The following DPP9 variants were observed in gnomAD, a reference collection of about 807,000 sequenced individuals.
The protein encoded by DPP9 is dipeptidyl peptidase IV-related protein-2.
In DPP9, 50 loss-of-function variants were observed where a neutral mutation model predicts 110.7. The ratio of observed to expected loss-of-function variants is 0.45; its 90% CI spans 0.36 to 0.57. The LOEUF is 0.57. Among genes scored for constraint, DPP9 ranks in the 20% least tolerant of loss-of-function variants. DPP9 has a pLI of 0.00. For missense variants in DPP9, 1,022 were observed against 1,217.9 expected, an observed-to-expected ratio of 0.84 and a Z score of 2.39; for synonymous variants, 561 against 514.4, an observed-to-expected ratio of 1.09 and a Z score of -1.23.
Position 4,694,787 on chromosome 19 carries a change from CCT to C in DPP9, c.1388_1389del (p.Glu463GlyfsTer12). Reference protein sequence around the residue: ...HDIFYPFPQSEGEDELCFLRA... With the variant: ...HDIFYPFPQSXGEDELCFLRA... ...CGGAGAAAGCAGAGCTCGTCCTCTCCCTCTGATTGGGGGAAGGGATAGAAGAT... is the reference window on the plus strand; with the variant it reads ...CGGAGAAAGCAGAGCTCGTCCTCTCCCTGATTGGGGGAAGGGATAGAAGAT... On this transcript the variant is annotated frameshift_variant, in exon 13 of 22. Transcript: ENST00000262960. LOFTEE classifies it high-confidence loss of function. This position sits in a 1 kb window ranked among gnomAD's most constrained non-coding sequence, Gnocchi z 4.0. The C allele has an allele frequency of 6.2e-7, 1 of 1,613,872 alleles. No individual in the cohort carries two copies.
chr19:4,706,079 G>A, intron 4 of DPP9, 109 bp from the exon 5 acceptor site: 1 of 963,372 alleles, frequency 1.0e-6, no homozygotes, highest in South Asian at 1.6e-5. Flanking sequence ...AGAACATTCT[G>A]CCAGGCCGCC....
intron 21 of DPP9, chr19:4,679,606 C>A: frequency 1.8e-6 from 1 of 551,638 alleles, no homozygotes; most frequent in South Asian, 2.1e-5. Context: ...TCCCGTGCTT[C>A]CAGCACCGAA....
At chr19:4,713,634 C>A (rs753328561) in intron 4 of DPP9, among the ~76,000 whole-genome samples, 1 of 152,222 alleles carries the variant, frequency 6.6e-6, no homozygotes, top group East Asian at 1.9e-4. Context: ...CGCACCTCCA[C>A]GGCGAGCTCC....
In DPP9 at chr19:4,702,237, C is replaced by A. The variant is rs1438945763; in HGVS notation, c.884-82G>T. ...CAGCACCCCCCGCCCCCTGCAGCAC[C>A]GGGGCCTGAAGATGGGCACCGAGGG... On this transcript the variant is annotated intron_variant, in intron 8 of 21. Coordinates refer to ENST00000262960, the MANE Select transcript of DPP9 (RefSeq NM_139159.5). 3.3e-6 allele frequency: 5 copies of A among 1,499,514 alleles called. No homozygotes were observed. In the Admixed American group the frequency reaches 9.3e-5, roughly 28 times the overall value. The allele number at this position is 1,499,514 out of a possible 1,614,324, so 92.9% of individuals were successfully genotyped here. A position where few individuals can be genotyped will look rare whatever the true frequency, so the allele number is the denominator to read the frequency against.
chr19:4,689,636 A>G lies in DPP9; in HGVS notation c.1683T>C (p.Tyr561=). ...GGCGTACGATCTCGCCGGCCGCCTC[A>G]TAGCTGACCACGTAGAGGTGGTGCT... ...PLEHHLYVVS[Y]EAAGEIVRLT... The change falls in exon 15 of 22, where the codon TAT becomes TAC. Residue 561 remains tyrosine, a synonymous_variant. Coordinates refer to ENST00000262960, the MANE Select transcript of DPP9 (RefSeq NM_139159.5). The surrounding 1 kb of genome is among the most constrained non-coding windows in gnomAD (Gnocchi z 7.0). 3.8e-6 allele frequency: 6 copies of G among 1,569,790 alleles called. No individual in the cohort carries two copies. The highest frequency in any genetic ancestry group is 5.2e-6 in the Non-Finnish European group (6 of 1,157,442).
chr19:4,691,558 C>T (rs1054107681), intron 13 of DPP9, among the ~76,000 whole-genome samples: 1 of 151,094 alleles, frequency 6.6e-6, no homozygotes, highest in Non-Finnish European at 1.5e-5. Context: ...TAGAACCCTC[C>T]AAAGGCCACA....
At position 4,686,029 on chromosome 19, in the gene DPP9, C is replaced by T. The variant is rs936191069; in HGVS notation, c.1886-258G>A. 4.1e-5 allele frequency: 17 copies of T among 415,264 alleles called. No homozygotes were observed. In the East Asian group the frequency reaches 6.6e-4, roughly 16 times the overall value. 25.7% of individuals were successfully genotyped at this position (415,264 alleles called of 1,614,324 possible). A position where few individuals can be genotyped will look rare whatever the true frequency, so the allele number is the denominator to read the frequency against. Reference sequence around the variant, plus strand: ...CTGGCCTCAAGCGATCCTCCCACCTCGGCCTCCTGTGTAGGGTCACTGCTA... The same window carrying T: ...CTGGCCTCAAGCGATCCTCCCACCTTGGCCTCCTGTGTAGGGTCACTGCTA... On this transcript the variant is annotated intron_variant, in intron 16 of 21. Transcript: ENST00000262960.
chr19:4,688,397 C>CTG (rs1357137781), intron 16 of DPP9: 1 of 234,474 alleles, frequency 4.3e-6, no homozygotes, highest in African/African-American at 2.2e-5. Context: ...GCAGAAGCCA[C>CTG]TGTGCCCGCT....
chr19:4,720,019 C>CCCT (rs3833278), intron 2 of DPP9, 78 bp from the exon 3 acceptor site: 756,146 of 1,160,478 alleles, frequency 0.65, 254,308 homozygotes, highest in Middle Eastern at 0.75. Flanking sequence ...CCCCTTCGCC[C>CCCT]CCTCCTCATT....
chr19:4,702,876 G>A (rs1022873332), intron 7 of DPP9, among the ~76,000 whole-genome samples, 160 bp from the exon 8 acceptor site: 12 of 149,338 alleles, frequency 8.0e-5, no homozygotes, highest in Admixed American at 4.0e-4. Context: ...GGGAGAGCTC[G>A]GAGCCGACTG....
In DPP9 at chr19:4,695,562, G is replaced by A; in HGVS notation, c.1176-7C>T. 3 of 1,464,282 alleles carry A rather than the reference G, an allele frequency of 2.0e-6. No individual in the cohort carries two copies. Among genetic ancestry groups the A allele is most frequent in the Non-Finnish European group, 2.7e-6 (3 of 1,109,730 alleles). 90.7% of individuals were successfully genotyped at this position (1,464,282 alleles called of 1,614,324 possible). Reference sequence around the variant, plus strand: ...CAGGAACATGGCCCAGGCGCTAAGGGGGAAGATGCGGGGGAAGATGAGAGG... The same window carrying A: ...CAGGAACATGGCCCAGGCGCTAAGGAGGAAGATGCGGGGGAAGATGAGAGG... On this transcript the variant is annotated splice_region_variant and splice_polypyrimidine_tract_variant and intron_variant, in intron 11 of 21. Coordinates refer to ENST00000262960, the MANE Select transcript of DPP9 (RefSeq NM_139159.5). The surrounding 1 kb of genome is among the most constrained non-coding windows in gnomAD (Gnocchi z 4.7).
At position 4,700,126 on chromosome 19, in the gene DPP9, G is replaced by C. The variant is rs1023386389; in HGVS notation, c.1074+90C>G. 1 of 1,093,568 alleles carries C rather than the reference G, an allele frequency of 9.1e-7. No individual in the cohort carries two copies. The highest frequency in any genetic ancestry group is 1.6e-5 in the African/African-American group (1 of 62,498). 67.7% of individuals were successfully genotyped at this position (1,093,568 alleles called of 1,614,324 possible). On this transcript the variant is annotated intron_variant, in intron 10 of 21. Transcript: ENST00000262960. The surrounding 1 kb of genome is among the most constrained non-coding windows in gnomAD (Gnocchi z 4.3). The stretch of plus-strand genomic sequence containing the variant: ...GCCTGGGGAGTGCCCCCGAGAGGGA[G>C]GTGAGTGACCTGCCCATCCACCCAG...
chr19:4,715,259 G>A (rs1476919062), intron 3 of DPP9, among the ~76,000 whole-genome samples: 1 of 152,062 alleles, frequency 6.6e-6, no homozygotes, highest in Non-Finnish European at 1.5e-5. Context: ...CTGACCTCAA[G>A]TGATCCGCCT....
intron 3 of DPP9, 139 bp from the exon 4 acceptor site, chr19:4,714,476 T>C: frequency 8.6e-7 from 1 of 1,160,380 alleles, no homozygotes; most frequent in Non-Finnish European, 1.2e-6. Flanking sequence ...TAAACACTTC[T>C]TGGGTTGGTC....
In DPP9 at chr19:4,690,948, T is replaced by C. The variant is rs201281354; in HGVS notation, c.1526A>G (p.Lys509Arg). ...EPFSPGEDEF[K>R]CPIKEEIALT... ...AGCAATCTCTTCCTTAATGGGGCAC[T>C]TAAATTCATCTGGAAAGAAAGAAAG... The change falls in exon 14 of 22, where the codon AAG (lysine) becomes AGG (arginine). Residue 509 changes from lysine to arginine, a missense_variant. Coordinates refer to ENST00000262960, the MANE Select transcript of DPP9 (RefSeq NM_139159.5). 288 of 1,612,508 alleles carry C rather than the reference T, an allele frequency of 1.8e-4. No homozygotes were observed. The highest frequency in any genetic ancestry group is 2.3e-4 in the Non-Finnish European group (275 of 1,179,394).
In DPP9 at chr19:4,693,053, C is replaced by T. The variant is rs749728164; in HGVS notation, c.1516+1608G>A. Among the ~76,000 whole-genome samples the T allele has an allele frequency of 3.3e-5, 5 of 152,176 alleles. No individual in the cohort carries two copies. Among genetic ancestry groups the T allele is most frequent in the African/African-American group, 4.8e-5 (2 of 41,454 alleles). On this transcript the variant is annotated intron_variant, in intron 13 of 21. Transcript: ENST00000262960. The surrounding 1 kb of genome is among the most constrained non-coding windows in gnomAD (Gnocchi z 5.0). ...GGTCTCTGTCCCCTGTGTTGGGGGA[C>T]GCCTTGGCTGCTGTGTGGGCTCTGC...
chr19:4,688,646 G>T, intron 16 of DPP9, 111 bp downstream of exon 16: 1 of 1,279,844 alleles, frequency 7.8e-7, no homozygotes, highest in East Asian at 3.2e-5. Flanking sequence ...GCTGTGGGAG[G>T]CCAGGCAGGC....
intron 21 of DPP9, among the ~76,000 whole-genome samples, chr19:4,678,571 G>A (rs1416337232): frequency 6.6e-6 from 1 of 152,144 alleles, no homozygotes; most frequent in African/African-American, 2.4e-5. Flanking sequence ...AGGCTGGGAA[G>A]AGACATCTGA....
Position 4,694,727 on chromosome 19 carries a change from A to G in DPP9, c.1450T>C (p.Tyr484His), listed in dbSNP as rs769630019. ...NECKTGFCHL[Y>H]KVTAVLKSQG... ...GATTTTAAAACGGCGGTGACTTTGT[A>G]CAAATGGCAGAAGCCGGTCTTGCAT... Residue 484 changes from tyrosine (Y) to histidine (H), a missense_variant, in exon 13 of 22, where the codon TAC (tyrosine) becomes CAC (histidine). Physicochemically the swap from Tyr to His is moderately conservative, Grantham distance 83 (BLOSUM62 2). This residue lies in a region of DPP9 where 810 missense variants were observed against 920.6 expected (regional missense o/e 0.88). Coordinates refer to ENST00000262960, the MANE Select transcript of DPP9 (RefSeq NM_139159.5). This position sits in a 1 kb window ranked among gnomAD's most constrained non-coding sequence, Gnocchi z 4.0. 4 of 1,613,770 alleles carry G rather than the reference A, an allele frequency of 2.5e-6. No homozygotes were observed. The Admixed American group carries it at 6.7e-5, about 27-fold the overall frequency.
Sources: gnomAD v4.1 joint callset for allele counts (sites outside exome capture counted in the v4.1 genomes callset) on GRCh38, gnomAD v4.1.1 for gene constraint, gnomAD v4.1.1 regional missense constraint, Gnocchi (gnomAD v3.1) non-coding constraint, MANE v1.5 for transcripts, NCBI Gene and HGNC (gene_info 2026-07-23, HGNC 2026-07-21) for gene names.